TENM4: variants seen among roughly 807,000 people sequenced by gnomAD.
TENM4 encodes the protein teneurin transmembrane protein 4.
Under a neutral mutation model 243.3 loss-of-function variants are expected in TENM4, and 82 were observed. The observed-to-expected ratio is 0.34, with a 90% CI of 0.28 to 0.40. The LOEUF (loss-of-function observed/expected upper bound fraction) is 0.40, where lower values mean the gene tolerates loss of function less well. TENM4 is among the 10% of genes least tolerant of loss of function. The pLI is 1.00. For missense variants in TENM4, 3,138 were observed against 3,673.3 expected (o/e 0.85, Z 3.77); for synonymous variants, 1,412 against 1,456.3 (o/e 0.97, Z 0.69).
At chr11:78,713,320 C>G (rs1054271618) in intron 25 of TENM4, among the ~76,000 whole-genome samples, 1 of 152,106 alleles carries the variant, frequency 6.6e-6, no homozygotes, top group Non-Finnish European at 1.5e-5. Flanking sequence ...TATAAGTGAA[C>G]TGCAGGATTA....
rs962257725 is a variant in TENM4, at chr11:78,707,139, T to G, written c.4209+1222A>C. Among the ~76,000 whole-genome samples, 4 of 152,198 alleles carry G rather than the reference T, an allele frequency of 2.6e-5. No individual in the cohort carries two copies. In the East Asian group the frequency reaches 7.7e-4, roughly 29 times the overall value. Reference sequence around the variant, plus strand: ...GTGACACAGTCAGTGGAAAAGGGCCTGTGTGTGCAGGCTCCCCTAAAAATG... The same window carrying G: ...GTGACACAGTCAGTGGAAAAGGGCCGGTGTGTGCAGGCTCCCCTAAAAATG... On this transcript the variant is annotated intron_variant, in intron 27 of 33. Coordinates refer to ENST00000278550, the MANE Select transcript of TENM4 (RefSeq NM_001098816.3).
At chr11:79,087,316 A>G (rs967935238) in intron 4 of TENM4, among the ~76,000 whole-genome samples, 1 of 152,214 alleles carries the variant, frequency 6.6e-6, no homozygotes, top group African/African-American at 2.4e-5. Flanking sequence ...GGTGAGACAG[A>G]CAAGGAAATG....
chr11:78,711,237 G>A (rs558329389), intron 26 of TENM4, among the ~76,000 whole-genome samples: 15 of 152,332 alleles, frequency 9.8e-5, no homozygotes, highest in Admixed American at 2.6e-4. Flanking sequence ...AATGTGACTT[G>A]ATATGATGTG....
intron 27 of TENM4, among the ~76,000 whole-genome samples, chr11:78,705,185 T>C (rs116058869): frequency 0.013 from 1,922 of 152,350 alleles, 58 homozygotes; most frequent in African/African-American, 0.045. Flanking sequence ...CTTCTGGTCC[T>C]GTGGCACCTT....
intron 1 of TENM4, among the ~76,000 whole-genome samples, chr11:79,429,536 A>G (rs11824922): frequency 1.2e-3 from 189 of 152,042 alleles, no homozygotes; most frequent in African/African-American, 4.3e-3. Flanking sequence ...GGAGGTAGAC[A>G]CTTCTATTTT....
In TENM4 at chr11:79,083,967, A is replaced by G. The variant is rs908513497; in HGVS notation, c.-65-13958T>C. Among the ~76,000 whole-genome samples the G allele has an allele frequency of 7.9e-5, 12 of 151,604 alleles. No individual in the cohort carries two copies. The South Asian group carries it at 1.2e-3, about 16-fold the overall frequency. On this transcript the variant is annotated intron_variant, in intron 4 of 33. Transcript: ENST00000278550. ...GGCCTAGTATCTAGAATATATATAT[A>G]TGTGTGTGTGTGTGTATACACATAT...
chr11:79,024,085 A>G (rs551959283), intron 6 of TENM4, among the ~76,000 whole-genome samples: 1 of 152,296 alleles, frequency 6.6e-6, no homozygotes, highest in East Asian at 1.9e-4. Context: ...AGTTGCCATA[A>G]ATAGAGATAT....
In TENM4 at chr11:78,676,305, C is replaced by G. The variant is rs745340596; in HGVS notation, c.5343G>C (p.Gln1781His). Residue 1781 changes from glutamine (Q) to histidine (H), a missense_variant, in exon 30 of 34, where the codon CAG (glutamine) becomes CAC (histidine). Coordinates refer to ENST00000278550, the MANE Select transcript of TENM4 (RefSeq NM_001098816.3). ...LLANGMEVAL[Q>H]TEPHLLAGTV... ...TGCCAGCCAGCAAGTGGGGCTCAGT[C>G]TGCAGCGCCACCTCCATGCCGTTGG... 1 of 1,612,634 alleles carries G rather than the reference C, an allele frequency of 6.2e-7. No homozygotes were observed. The highest frequency in any genetic ancestry group is 8.5e-7 in the Non-Finnish European group (1 of 1,178,828).
chr11:79,065,108 T>A, intron 5 of TENM4, 101 bp from the exon 6 acceptor site: 1 of 1,401,746 alleles, frequency 7.1e-7, no homozygotes, highest in Non-Finnish European at 9.3e-7. Flanking sequence ...TCACTGTCGT[T>A]CTTTGAACTT....
chr11:78,735,543 T>C (rs1443176556), intron 20 of TENM4, among the ~76,000 whole-genome samples: 1 of 152,200 alleles, frequency 6.6e-6, no homozygotes. Context: ...CAAGAGCAAG[T>C]AATGAGCTGG....
chr11:79,228,915 C>T lies in TENM4; in HGVS notation c.-264-13006G>A, dbSNP rs72937350. ...GTCCATGATTTATTCAGATTTCTTT[C>T]GTTTTTCCCTAATGTCTTCTGCTCT... On this transcript the variant is annotated intron_variant, in intron 2 of 33. Transcript: ENST00000278550. Among the ~76,000 whole-genome samples, 788 of 152,234 alleles carry T rather than the reference C, an allele frequency of 5.2e-3. 4 individuals carry two copies. The highest frequency in any genetic ancestry group is 8.9e-3 in the East Asian group (46 of 5,180).
intron 14 of TENM4, among the ~76,000 whole-genome samples, chr11:78,811,569 A>AACACACACATACACAC (rs1555083999): frequency 9.2e-5 from 6 of 65,032 alleles, no homozygotes; most frequent in African/African-American, 1.6e-4. Context: ...CATACACATG[A>AACACACACATACACAC]ACACACACAC....
chr11:79,227,394 C>T (rs1340251272), intron 2 of TENM4, among the ~76,000 whole-genome samples: 2 of 152,100 alleles, frequency 1.3e-5, no homozygotes, highest in Non-Finnish European at 2.9e-5. Flanking sequence ...ATGGAAAGGT[C>T]GAGAGGGGTT....
At chr11:79,135,578 T>C (rs1262511697) in intron 4 of TENM4, among the ~76,000 whole-genome samples, 1 of 151,718 alleles carries the variant, frequency 6.6e-6, no homozygotes, top group Non-Finnish European at 1.5e-5. Context: ...CAATTCACAA[T>C]TGCAAAATTG....
At chr11:79,412,030 C>T (rs1858711835) in intron 1 of TENM4, among the ~76,000 whole-genome samples, 1 of 152,198 alleles carries the variant, frequency 6.6e-6, no homozygotes, top group Non-Finnish European at 1.5e-5. Context: ...CAGCCACAAC[C>T]ACAGAGCTGC....
chr11:78,940,472 C>T (rs77401602), intron 6 of TENM4, among the ~76,000 whole-genome samples: 124 of 152,286 alleles, frequency 8.1e-4, no homozygotes, highest in African/African-American at 2.9e-3. Context: ...GAGCAGAGGA[C>T]GAATTCCTCT....
At chr11:79,022,286 T>A (rs983683276) in intron 6 of TENM4, among the ~76,000 whole-genome samples, 3 of 152,182 alleles carry the variant, frequency 2.0e-5, no homozygotes, top group African/African-American at 4.8e-5. Flanking sequence ...AGAGGCCCAA[T>A]AGTCGACACA....
intron 19 of TENM4, among the ~76,000 whole-genome samples, chr11:78,751,703 C>T (rs1856195339): frequency 6.6e-6 from 1 of 152,190 alleles, no homozygotes; most frequent in African/African-American, 2.4e-5. Context: ...TCAGAGGAGT[C>T]CTCCCCAAGA....
chr11:79,236,952 C>G (rs745646878), intron 2 of TENM4, among the ~76,000 whole-genome samples: 6 of 152,120 alleles, frequency 3.9e-5, no homozygotes, highest in Non-Finnish European at 8.8e-5. Context: ...AGGAGTGAGA[C>G]AAAGGGGATT....
Sources: gnomAD v4.1 joint callset for allele counts (sites outside exome capture counted in the v4.1 genomes callset) on GRCh38, gnomAD v4.1.1 for gene constraint, MANE v1.5 for transcripts, NCBI Gene and HGNC (gene_info 2026-07-23, HGNC 2026-07-21) for gene names.